The following FOXP1 variants were observed in gnomAD, a reference collection of about 807,000 sequenced individuals.
FOXP1 encodes forkhead box P1.
A neutral mutation model predicts 98.2 loss-of-function variants in FOXP1; 15 were observed. The observed-to-expected ratio is 0.15, with a 90% CI of 0.10 to 0.24. The LOEUF (loss-of-function observed/expected upper bound fraction) is 0.24. FOXP1 is among the 10% of genes least tolerant of loss of function. The pLI, the probability that FOXP1 is intolerant of heterozygous loss-of-function variation, is 1.00. For synonymous variants in FOXP1, 371 were observed against 314.5 expected, an observed-to-expected ratio of 1.18 and a Z score of -1.90; for missense variants, 633 against 848.5, an observed-to-expected ratio of 0.75 and a Z score of 3.15.
intron 2 of FOXP1, among the ~76,000 whole-genome samples, chr3:71,563,844 T>C (rs1156834351): frequency 1.3e-5 from 2 of 152,242 alleles, no homozygotes; most frequent in Non-Finnish European, 2.9e-5. Context: ...TCTCAAAAAA[T>C]GAGGGCTTTC....
chr3:71,551,789 C>T (rs2045799208), intron 2 of FOXP1, among the ~76,000 whole-genome samples: 2 of 152,134 alleles, frequency 1.3e-5, no homozygotes, highest in African/African-American at 2.4e-5. Context: ...CTTTTGATCT[C>T]TACCATCTAT....
intron 6 of FOXP1, among the ~76,000 whole-genome samples, chr3:71,161,082 A>G (rs2061109674): frequency 6.6e-6 from 1 of 152,226 alleles, no homozygotes; most frequent in African/African-American, 2.4e-5. Context: ...TCTGAGTCAC[A>G]CGTGCCTGAC....
At chr3:71,196,888 T>C (rs900428095) in intron 6 of FOXP1, among the ~76,000 whole-genome samples, 1 of 152,192 alleles carries the variant, frequency 6.6e-6, no homozygotes, top group Non-Finnish European at 1.5e-5. Context: ...ATCAAATCAC[T>C]TGCAGGAAGT....
At chr3:71,174,809 CA>C (rs2061838634) in intron 6 of FOXP1, among the ~76,000 whole-genome samples, 3 of 151,332 alleles carry the variant, frequency 2.0e-5, no homozygotes, top group African/African-American at 7.3e-5. Context: ...CACACACACA[CA>C]CACACACACA....
At chr3:70,974,811 C>G (rs936925848) in intron 17 of FOXP1, among the ~76,000 whole-genome samples, 1 of 152,102 alleles carries the variant, frequency 6.6e-6, no homozygotes, top group Non-Finnish European at 1.5e-5. Flanking sequence ...TCAAAATGTA[C>G]AGAAATGAAA....
At chr3:71,015,418 T>C (rs2044314945) in intron 12 of FOXP1, 131 bp downstream of exon 12, 1 of 657,628 alleles carries the variant, frequency 1.5e-6, no homozygotes, top group Non-Finnish European at 2.8e-6. Context: ...GCACTAGACC[T>C]TGTGATTTAG....
intron 5 of FOXP1, among the ~76,000 whole-genome samples, chr3:71,293,640 G>T (rs1056228292): frequency 6.6e-6 from 1 of 151,906 alleles, no homozygotes; most frequent in Non-Finnish European, 1.5e-5. Context: ...GCTTGAAAAC[G>T]AACTCTATTG....
intron 3 of FOXP1, among the ~76,000 whole-genome samples, chr3:71,361,424 T>C (rs1308719210): frequency 6.6e-6 from 1 of 152,176 alleles, no homozygotes; most frequent in Admixed American, 6.5e-5. Context: ...CAGCCCCACG[T>C]CAGGGCAATG....
rs1400348266 is a variant in FOXP1 at position 71,009,155 on chromosome 3, C to CGGGGGCGG, written c.974+6393_974+6394insCCGCCCCC. On this transcript the variant is annotated intron_variant, in intron 12 of 20. Transcript: ENST00000649528. ...TGGTTGGTCAATGAAATCATGGGGG[C>CGGGGGCGG]GGGGGGGGGGGGGCGCATGACACAC... Among the ~76,000 whole-genome samples the CGGGGGCGG allele has an allele frequency of 3.5e-3, 72 of 20,768 alleles. 5 individuals carry two copies. The highest frequency in any genetic ancestry group is 4.6e-3 in the Non-Finnish European group (34 of 7,400). The allele number at this position is 20,768 out of a possible 152,430, so 13.6% of individuals were successfully genotyped here.
chr3:71,373,997 T>A (rs1449266344), intron 3 of FOXP1, among the ~76,000 whole-genome samples: 1 of 152,190 alleles, frequency 6.6e-6, no homozygotes, highest in African/African-American at 2.4e-5. Context: ...GTAAGGTAAT[T>A]AATGTAGCAA....
intron 4 of FOXP1, among the ~76,000 whole-genome samples, chr3:71,342,283 G>A (rs1270028837): frequency 6.6e-6 from 1 of 152,184 alleles, no homozygotes; most frequent in African/African-American, 2.4e-5. Flanking sequence ...TGAGAGACCT[G>A]AAAACTCAAA....
chr3:71,469,269 AC>A (rs1466975401), intron 3 of FOXP1, among the ~76,000 whole-genome samples: 2 of 152,174 alleles, frequency 1.3e-5, no homozygotes, highest in Non-Finnish European at 2.9e-5. Context: ...CCAAAACAAC[AC>A]TGTTTCCATA....
chr3:71,421,964 T>G (rs1029964248), intron 3 of FOXP1, among the ~76,000 whole-genome samples: 3 of 152,216 alleles, frequency 2.0e-5, no homozygotes, highest in African/African-American at 7.2e-5. Context: ...GTTTCCTATT[T>G]TATCATTTTA....
chr3:71,159,646 A>G (rs553666893), intron 6 of FOXP1, among the ~76,000 whole-genome samples: 5 of 152,244 alleles, frequency 3.3e-5, no homozygotes, highest in South Asian at 2.1e-4. Context: ...GTTGAGACCA[A>G]CTGACCTTCA....
chr3:71,482,945 C>G (rs1560547358), intron 3 of FOXP1, among the ~76,000 whole-genome samples: 1 of 151,930 alleles, frequency 6.6e-6, no homozygotes, highest in East Asian at 1.9e-4. Flanking sequence ...AACTATCCCC[C>G]CCACCTCAGC....
intron 3 of FOXP1, among the ~76,000 whole-genome samples, chr3:71,404,128 T>C (rs1340076292): frequency 6.3e-5 from 8 of 127,404 alleles, no homozygotes; most frequent in African/African-American, 2.3e-4. Flanking sequence ...TTCTTTTTTT[T>C]TTTTTTTTTT....
chr3:71,164,389 C>T (rs2061304035), intron 6 of FOXP1, among the ~76,000 whole-genome samples: 1 of 152,064 alleles, frequency 6.6e-6, no homozygotes, highest in Non-Finnish European at 1.5e-5. Flanking sequence ...TTAGTGGAGA[C>T]AGGTTTTCAC....
At chr3:71,517,146 T>C (rs1354732370) in intron 2 of FOXP1, among the ~76,000 whole-genome samples, 1 of 152,098 alleles carries the variant, frequency 6.6e-6, no homozygotes, top group African/African-American at 2.4e-5. Context: ...CAAAATATTA[T>C]GTCTTACTTT....
At chr3:71,110,714 A>G (rs1194629483) in intron 7 of FOXP1, among the ~76,000 whole-genome samples, 1 of 152,198 alleles carries the variant, frequency 6.6e-6, no homozygotes, top group Non-Finnish European at 1.5e-5. Context: ...GACTACGGAA[A>G]CTGTTCAGTT....
Sources: allele counts gnomAD v4.1 joint callset (sites outside exome capture counted in the v4.1 genomes callset), GRCh38; gene constraint gnomAD v4.1.1; transcripts MANE v1.5; gene names NCBI Gene and HGNC (gene_info 2026-07-23, HGNC 2026-07-21).